The following SUSD4 variants were observed in gnomAD, a reference collection of about 807,000 sequenced individuals.
SUSD4 encodes the protein sushi domain containing 4, also known as sushi domain-containing protein 4.
Under a neutral mutation model 50.5 loss-of-function variants are expected in SUSD4, and 41 were observed. The ratio of observed to expected loss-of-function variants is 0.81; its 90% CI spans 0.63 to 1.05. SUSD4 has a LOEUF of 1.05. Ranked by LOEUF, SUSD4 falls within the 50% of genes least tolerant of loss-of-function variation. The pLI, the probability that SUSD4 is intolerant of heterozygous loss-of-function variation, is 0.00. For synonymous variants in SUSD4, 257 were observed against 257.3 expected, an observed-to-expected ratio of 1.00 and a Z score of 0.01; for missense variants, 580 against 634.7, an observed-to-expected ratio of 0.91 and a Z score of 0.93.
chr1:223,242,915 A>G (rs746720512), intron 5 of SUSD4, among the ~76,000 whole-genome samples: 37 of 152,058 alleles, frequency 2.4e-4, no homozygotes, highest in Non-Finnish European at 4.4e-4. Flanking sequence ...TGAGTCCCCA[A>G]ATTCCTCACG....
At chr1:223,324,217 A>G (rs539400252) in intron 2 of SUSD4, among the ~76,000 whole-genome samples, 1 of 150,084 alleles carries the variant, frequency 6.7e-6, no homozygotes, top group African/African-American at 2.5e-5. Context: ...GCCTAGGTAC[A>G]CAGGAAGCAA....
intron 2 of SUSD4, among the ~76,000 whole-genome samples, chr1:223,360,524 T>C (rs1411231857): frequency 6.6e-6 from 1 of 152,118 alleles, no homozygotes; most frequent in African/African-American, 2.4e-5. Flanking sequence ...TCATAAAAGC[T>C]TCCCTAGGGT....
intron 2 of SUSD4, among the ~76,000 whole-genome samples, chr1:223,349,939 T>C (rs1327410933): frequency 2.6e-5 from 4 of 151,988 alleles, no homozygotes; most frequent in African/African-American, 9.7e-5. Context: ...CTTTAAGAGG[T>C]AATTAAAGTT....
chr1:223,309,760 G>A (rs1263480383), intron 2 of SUSD4, among the ~76,000 whole-genome samples: 1 of 152,190 alleles, frequency 6.6e-6, no homozygotes, highest in African/African-American at 2.4e-5. Flanking sequence ...AGGACAAGAT[G>A]CATTCCACCA....
chr1:223,225,798 C>G (rs1212373845), intron 7 of SUSD4, among the ~76,000 whole-genome samples: 3 of 152,136 alleles, frequency 2.0e-5, no homozygotes, highest in Non-Finnish European at 2.9e-5. Context: ...AGCTTCCCCT[C>G]CACGTGTCCC....
intron 2 of SUSD4, among the ~76,000 whole-genome samples, chr1:223,296,966 G>C (rs1204512487): frequency 6.6e-6 from 1 of 152,158 alleles, no homozygotes; most frequent in Admixed American, 6.5e-5. Flanking sequence ...ATAGCAGTGT[G>C]AGAACAGACT....
chr1:223,364,438 CCGCGG>C (rs1481140652), upstream of SUSD4, among the ~76,000 whole-genome samples: 1 of 148,480 alleles, frequency 6.7e-6, no homozygotes, highest in Non-Finnish European at 1.5e-5. This position sits in a 1 kb window ranked among gnomAD's most constrained non-coding sequence, Gnocchi z 4.5. Flanking sequence ...CCAGCCGGCG[CCGCGG>C]CGTGGCCGGA....
chr1:223,242,806 T>G (rs1163647291), intron 5 of SUSD4, among the ~76,000 whole-genome samples: 2 of 152,152 alleles, frequency 1.3e-5, no homozygotes, highest in Non-Finnish European at 2.9e-5. Context: ...CAGGTACCAA[T>G]ATTGGTTTGT....
At chr1:223,285,314 G>T (rs1182464246) in intron 3 of SUSD4, among the ~76,000 whole-genome samples, 1 of 152,136 alleles carries the variant, frequency 6.6e-6, no homozygotes, top group Admixed American at 6.5e-5. Flanking sequence ...GACTGGGGAT[G>T]GGGCCAGGTT....
At chr1:223,275,402 C>T (rs570888557) in intron 3 of SUSD4, among the ~76,000 whole-genome samples, 1 of 152,316 alleles carries the variant, frequency 6.6e-6, no homozygotes, top group African/African-American at 2.4e-5. Flanking sequence ...ACTTTAAGGT[C>T]ACTTTCCACC....
rs11485987 is a variant in SUSD4, at chr1:223,234,882, T to C, written c.725-5494A>G. 6.4e-3 allele frequency: 9,578 copies of C among 1,494,186 alleles called. 306 individuals carry two copies. The East Asian group carries it at 0.095, about 15-fold the overall frequency. The allele number at this position is 1,494,186 out of a possible 1,614,324, so 92.6% of individuals were successfully genotyped here. Reference sequence around the variant, plus strand: ...GATGCACTAACAGGTGTGCAGATCATGGTGAAATACAGTATAGGATAAAAA... The same window carrying C: ...GATGCACTAACAGGTGTGCAGATCACGGTGAAATACAGTATAGGATAAAAA... On this transcript the variant is annotated intron_variant, in intron 5 of 8. Transcript: ENST00000366878.
chr1:223,264,966 C>A, intron 4 of SUSD4, 148 bp from the exon 5 acceptor site: 2 of 761,066 alleles, frequency 2.6e-6, no homozygotes, highest in Non-Finnish European at 2.1e-6. Context: ...ACCTTGGTCT[C>A]AAATACTCAG....
At chr1:223,313,466 G>T (rs1030150376) in intron 2 of SUSD4, among the ~76,000 whole-genome samples, 3 of 152,120 alleles carry the variant, frequency 2.0e-5, no homozygotes, top group African/African-American at 7.2e-5. Flanking sequence ...GTTCTGATTT[G>T]CATCCTTTAT....
At chr1:223,258,745 C>T (rs939318628) in intron 5 of SUSD4, among the ~76,000 whole-genome samples, 1 of 152,080 alleles carries the variant, frequency 6.6e-6, no homozygotes, top group Non-Finnish European at 1.5e-5. Context: ...GTGATGTATT[C>T]CCCTGTTTCG....
chr1:223,353,611 G>A (rs1668488425), intron 2 of SUSD4, among the ~76,000 whole-genome samples: 1 of 152,158 alleles, frequency 6.6e-6, no homozygotes. Flanking sequence ...CTTTGAAGAT[G>A]AACTGACAGC....
At chr1:223,342,223 C>G (rs1558266791) in intron 2 of SUSD4, among the ~76,000 whole-genome samples, 1 of 152,102 alleles carries the variant, frequency 6.6e-6, no homozygotes. Context: ...GTCATGTTCT[C>G]TAGGTCAGTG....
intron 3 of SUSD4, among the ~76,000 whole-genome samples, chr1:223,284,031 T>C (rs1381583547): frequency 7.0e-6 from 1 of 142,798 alleles, no homozygotes; most frequent in African/African-American, 2.6e-5. Context: ...AACTGAACAA[T>C]GAGAACACGT....
chr1:223,229,370 A>G lies in SUSD4; in HGVS notation c.743T>C (p.Met248Thr). The stretch of plus-strand genomic sequence containing the variant: ...GCAGACGAAATCTCCGTGACTCACC[A>G]TTGGAGGTAGTGGACAGACTTGGGC... ...LALEVCPLPP[M>T]VSHGDFVCHP... The change falls in exon 6 of 9, where the codon ATG becomes ACG. Residue 248 changes from methionine to threonine, a missense_variant. Coordinates refer to ENST00000366878, the MANE Select transcript of SUSD4 (RefSeq NM_017982.4). The surrounding 1 kb of genome is among the most constrained non-coding windows in gnomAD (Gnocchi z 4.7). 1 of 1,598,294 alleles carries G rather than the reference A, an allele frequency of 6.3e-7. No homozygotes were observed. The highest frequency in any genetic ancestry group is 1.3e-5 in the African/African-American group (1 of 74,798).
chr1:223,295,913 C>T (rs542836723), intron 2 of SUSD4, among the ~76,000 whole-genome samples: 2 of 151,948 alleles, frequency 1.3e-5, no homozygotes, highest in South Asian at 4.2e-4. Flanking sequence ...AGAATGATCT[C>T]TCTGGTGCCC....
Sources: allele counts gnomAD v4.1 joint callset (sites outside exome capture counted in the v4.1 genomes callset), GRCh38; gene constraint gnomAD v4.1.1; non-coding constraint Gnocchi (gnomAD v3.1); transcripts MANE v1.5; gene names NCBI Gene and HGNC (gene_info 2026-07-23, HGNC 2026-07-21).